Variants in HAO1 observed in about 807,000 individuals in gnomAD.
HAO1 encodes 2-Hydroxyacid oxidase 1.
In HAO1, 34 loss-of-function variants were observed where a neutral mutation model predicts 39.7. The ratio of observed to expected loss-of-function variants is 0.86; its 90% confidence interval spans 0.65 to 1.14. The LOEUF is 1.14. Ranked by LOEUF, HAO1 falls within the 50% of genes most tolerant of loss-of-function variation. HAO1 has a pLI of 0.00. For synonymous variants in HAO1, 172 were observed against 173.2 expected, an observed-to-expected ratio of 0.99 and a Z score of 0.05; for missense variants, 479 against 464.5, an observed-to-expected ratio of 1.03 and a Z score of -0.29.
intron 4 of HAO1, among the ~76,000 whole-genome samples, chr20:7,900,421 G>C (rs957092375): frequency 2.6e-5 from 4 of 152,156 alleles, no homozygotes; most frequent in South Asian, 2.1e-4. Context: ...CATCAAGCAA[G>C]TGTATCAGCA....
intron 1 of HAO1, among the ~76,000 whole-genome samples, chr20:7,939,430 G>A (rs2050430412): frequency 6.6e-6 from 1 of 152,012 alleles, no homozygotes; most frequent in African/African-American, 2.4e-5. Context: ...AAGAAATCAG[G>A]GAGGAAGGCT....
intron 3 of HAO1, among the ~76,000 whole-genome samples, chr20:7,908,360 G>A (rs571333826): frequency 6.6e-6 from 1 of 150,804 alleles, no homozygotes; most frequent in African/African-American, 2.4e-5. Context: ...CTGCACTCCA[G>A]CCTGGGTGAC....
At chr20:7,900,213 A>G (rs148988972) in intron 4 of HAO1, among the ~76,000 whole-genome samples, 1 of 152,230 alleles carries the variant, frequency 6.6e-6, no homozygotes, top group African/African-American at 2.4e-5. Flanking sequence ...CTTTATAGCA[A>G]TTTGCAGCTA....
intron 2 of HAO1, among the ~76,000 whole-genome samples, chr20:7,922,893 C>T (rs911869430): frequency 6.6e-6 from 1 of 151,968 alleles, no homozygotes; most frequent in African/African-American, 2.4e-5. Context: ...TCATCCATTC[C>T]CCCCACTCCA....
At chr20:7,917,001 T>C (rs1444859156) in intron 2 of HAO1, among the ~76,000 whole-genome samples, 1 of 152,196 alleles carries the variant, frequency 6.6e-6, no homozygotes, top group African/African-American at 2.4e-5. Context: ...CAAGGGACAT[T>C]GATTGCTTGG....
At chr20:7,931,698 G>A (rs912177154) in intron 2 of HAO1, among the ~76,000 whole-genome samples, 2 of 152,062 alleles carry the variant, frequency 1.3e-5, no homozygotes, top group African/African-American at 4.8e-5. Flanking sequence ...GTTACTTCTG[G>A]AGGAAATAGT....
chr20:7,904,895 T>G (rs1044312428), intron 4 of HAO1, among the ~76,000 whole-genome samples: 3 of 152,172 alleles, frequency 2.0e-5, no homozygotes, highest in African/African-American at 7.2e-5. Flanking sequence ...TAATCATGGA[T>G]AACAACATGG....
At chr20:7,907,723 T>G (rs2050255046) in intron 3 of HAO1, among the ~76,000 whole-genome samples, 1 of 152,130 alleles carries the variant, frequency 6.6e-6, no homozygotes, top group African/African-American at 2.4e-5. Flanking sequence ...GCCTGAGGTC[T>G]TTTCTCTTGG....
chr20:7,906,866 G>A (rs887634563), intron 3 of HAO1, among the ~76,000 whole-genome samples: 12 of 152,154 alleles, frequency 7.9e-5, no homozygotes, highest in African/African-American at 2.9e-4. Flanking sequence ...CTAGCTAATA[G>A]CAGTATTTGA....
At chr20:7,922,845 G>T (rs1029617816) in intron 2 of HAO1, among the ~76,000 whole-genome samples, 1 of 151,950 alleles carries the variant, frequency 6.6e-6, no homozygotes, top group Non-Finnish European at 1.5e-5. Flanking sequence ...TAAATATAAT[G>T]ATATAAAAAT....
intron 1 of HAO1, among the ~76,000 whole-genome samples, chr20:7,936,881 C>T (rs1018297746): frequency 2.6e-5 from 4 of 152,158 alleles, no homozygotes; most frequent in Non-Finnish European, 4.4e-5. Context: ...TCAGATAGCT[C>T]ACTAGCTTTC....
rs1013358464 is a variant in HAO1, at chr20:7,926,107, T to G, written c.289+8377A>C. 6.6e-5 allele frequency among the ~76,000 whole-genome samples: 10 copies of G among 152,142 alleles called. No individual in the cohort carries two copies. The East Asian group carries it at 1.2e-3, about 18-fold the overall frequency. On this transcript the variant is annotated intron_variant, in intron 2 of 7. Coordinates refer to ENST00000378789, the MANE Select transcript of HAO1 (RefSeq NM_017545.3). ...CACACAGAAAGAGCATGTCACTGAC[T>G]TTTTATTGTTAGAAAAGCAAGTCTA...
At chr20:7,923,853 A>G (rs1221510513) in intron 2 of HAO1, among the ~76,000 whole-genome samples, 2 of 152,148 alleles carry the variant, frequency 1.3e-5, no homozygotes, top group Non-Finnish European at 2.9e-5. Flanking sequence ...CATGAGGTAG[A>G]TATTTTCTTT....
rs2050136839 is a variant in HAO1, at chr20:7,883,479, C to G, written c.*114G>C. The G allele has an allele frequency of 2.5e-6, 2 of 795,282 alleles. No homozygotes were observed. The highest frequency in any genetic ancestry group is 3.7e-5 in the Admixed American group (2 of 54,572). 49.3% of individuals were successfully genotyped at this position (795,282 alleles called of 1,614,324 possible). On this transcript the variant is annotated 3_prime_UTR_variant, in exon 8 of 8. Transcript: ENST00000378789. The stretch of plus-strand genomic sequence containing the variant: ...GCTATTTTGTTGGAAAAGAACGACA[C>G]CCTTTGTATTGAAGTGGGGAATTAC...
chr20:7,914,960 A>C (rs2423329), intron 2 of HAO1, among the ~76,000 whole-genome samples: 11,685 of 152,128 alleles, frequency 0.077, 547 homozygotes, highest in East Asian at 0.2. Context: ...CTCTACTAAA[A>C]AAACACAAAA....
At chr20:7,911,906 C>T (rs930822983) in intron 3 of HAO1, among the ~76,000 whole-genome samples, 3 of 152,184 alleles carry the variant, frequency 2.0e-5, no homozygotes, top group Non-Finnish European at 2.9e-5. Context: ...TGGCCTCAGG[C>T]GGAAGCCTGG....
chr20:7,920,156 C>T (rs1034637050), intron 2 of HAO1, among the ~76,000 whole-genome samples: 34 of 152,094 alleles, frequency 2.2e-4, no homozygotes, highest in African/African-American at 7.7e-4. Context: ...ATGCTGTTTT[C>T]ATGCTAGTGA....
chr20:7,890,380 ATTTT>A (rs2050168961), intron 5 of HAO1, among the ~76,000 whole-genome samples: 1 of 151,900 alleles, frequency 6.6e-6, no homozygotes, highest in Non-Finnish European at 1.5e-5. Flanking sequence ...TGCCCGGCTA[ATTTT>A]TGTGTATTTA....
rs2050303780 is a variant in HAO1 at position 7,915,706 on chromosome 20, G to A, written c.290-1287C>T. On this transcript the variant is annotated intron_variant, in intron 2 of 7. Coordinates refer to ENST00000378789, the MANE Select transcript of HAO1 (RefSeq NM_017545.3). ...AATTCTGTTTCTCTGGAGAACTCTG[G>A]GTATTACAATTTTAAAATAATATAG... Among the ~76,000 whole-genome samples, 3 of 151,696 alleles carry A rather than the reference G, an allele frequency of 2.0e-5. No homozygotes were observed. The South Asian group carries it at 6.2e-4, about 32-fold the overall frequency.
Sources: allele counts gnomAD v4.1 joint callset (sites outside exome capture counted in the v4.1 genomes callset), GRCh38; gene constraint gnomAD v4.1.1; transcripts MANE v1.5; gene names NCBI Gene and HGNC (gene_info 2026-07-23, HGNC 2026-07-21).